The following MUSK variants were observed in gnomAD, a reference collection of about 807,000 sequenced individuals.
MUSK encodes the protein muscle, skeletal receptor tyrosine-protein kinase.
In MUSK, 55 loss-of-function variants were observed where a neutral mutation model predicts 88.7. The observed-to-expected ratio is 0.62, with a 90% CI of 0.50 to 0.78. The LOEUF (loss-of-function observed/expected upper bound fraction) is 0.78. MUSK is among the 30% of genes least tolerant of loss of function. The pLI is 0.00. For synonymous variants in MUSK, 387 were observed against 391.9 expected, an observed-to-expected ratio of 0.99 and a Z score of 0.15; for missense variants, 1,015 against 1,074.3, an observed-to-expected ratio of 0.94 and a Z score of 0.77.
At position 110,697,415 on chromosome 9, in the gene MUSK, A is replaced by G. The variant is rs1564226803; in HGVS notation, c.577A>G (p.Lys193Glu). ...TGCAGGACAGTATCGATGTGTGGCA[A>G]AAAACAGCCTCGGGACAGCATATTC... ...EDAGQYRCVA[K>E]NSLGTAYSKV... The change falls in exon 5 of 15, where the codon AAA becomes GAA. Residue 193 changes from lysine to glutamate, a missense_variant. Transcript: ENST00000374448. 2 of 1,612,810 alleles carry G rather than the reference A, an allele frequency of 1.2e-6. No homozygotes were observed. The highest frequency in any genetic ancestry group is 1.7e-6 in the Non-Finnish European group (2 of 1,179,218).
chr9:110,697,500 A>G, intron 5 of MUSK, 34 bp downstream of exon 5: 2 of 1,594,778 alleles, frequency 1.3e-6, no homozygotes, highest in Non-Finnish European at 1.7e-6. Context: ...TGACTGTGTG[A>G]CCAGGGGCCT....
chr9:110,718,738 T>C (rs2076775509), intron 5 of MUSK, among the ~76,000 whole-genome samples: 1 of 152,038 alleles, frequency 6.6e-6, no homozygotes, highest in Admixed American at 6.6e-5. Flanking sequence ...AAAGAACACC[T>C]GGGAAATTCA....
chr9:110,779,056 C>CTGTGTG (rs1280446736), intron 11 of MUSK, among the ~76,000 whole-genome samples: 1 of 103,566 alleles, frequency 9.7e-6, no homozygotes, highest in East Asian at 2.2e-4. Context: ...GCGTCAGTGT[C>CTGTGTG]TCTGTGTGTG....
intron 5 of MUSK, chr9:110,728,801 T>C (rs1587963146): frequency 1.9e-6 from 2 of 1,065,468 alleles, no homozygotes; most frequent in Non-Finnish European, 1.3e-6. Context: ...TATAAACAGC[T>C]CTAAGTGCCA....
At chr9:110,766,328 T>G (rs2077485208) in intron 8 of MUSK, among the ~76,000 whole-genome samples, 1 of 152,306 alleles carries the variant, frequency 6.6e-6, no homozygotes, top group East Asian at 1.9e-4. Context: ...AACAGCATCC[T>G]TGTTTCTGTC....
intron 4 of MUSK, 31 bp downstream of exon 4, chr9:110,695,561 TA>T: frequency 6.8e-7 from 1 of 1,479,120 alleles, no homozygotes; most frequent in South Asian, 1.3e-5. Context: ...AACACATATA[TA>T]AAATGTATTT....
intron 5 of MUSK, among the ~76,000 whole-genome samples, chr9:110,704,874 A>C (rs2076575944): frequency 6.6e-6 from 1 of 151,720 alleles, no homozygotes; most frequent in Non-Finnish European, 1.5e-5. Context: ...AATTCTAGCT[A>C]CTCAGGAGGC....
At chr9:110,764,623 A>T (rs1426655799) in intron 8 of MUSK, among the ~76,000 whole-genome samples, 1 of 149,938 alleles carries the variant, frequency 6.7e-6, no homozygotes, top group African/African-American at 2.4e-5. Context: ...AGATAGATAG[A>T]TAGATAGATA....
intron 7 of MUSK, among the ~76,000 whole-genome samples, chr9:110,755,790 T>G (rs1033732049): frequency 6.6e-6 from 1 of 151,728 alleles, no homozygotes; most frequent in African/African-American, 2.4e-5. Context: ...GAAGAGGATT[T>G]ACAAGGAAGG....
intron 1 of MUSK, among the ~76,000 whole-genome samples, chr9:110,677,537 A>G (rs2076047519): frequency 6.6e-6 from 1 of 152,004 alleles, no homozygotes; most frequent in African/African-American, 2.4e-5. Flanking sequence ...TAAACTCTTC[A>G]TTCTCCCACC....
intron 12 of MUSK, 123 bp downstream of exon 12, chr9:110,785,139 C>A: frequency 3.4e-6 from 3 of 889,656 alleles, no homozygotes; most frequent in Non-Finnish European, 3.4e-6. Flanking sequence ...CGTAGCCCTG[C>A]TTTAAAATTA....
Position 110,787,695 on chromosome 9 carries a change from C to G in MUSK, c.1784C>G (p.Pro595Arg), listed in dbSNP as rs2077898016. Residue 595 changes from proline to arginine, a missense_variant, in exon 14 of 15, where the codon CCA becomes CGA. Transcript: ENST00000374448. ...AFGRVFQARA[P>R]GLLPYEPFTM... is the part of the protein sequence containing the mutation. ...TCAATAAATGTATCTCTCAGGGCAC[C>G]AGGCTTACTTCCCTATGAACCTTTC... 6.2e-7 allele frequency: 1 copy of G among 1,613,314 alleles called. No homozygotes were observed. Among genetic ancestry groups the G allele is most frequent in the Admixed American group, 1.7e-5 (1 of 59,936 alleles).
Position 110,778,989 on chromosome 9 carries a change from C to T in MUSK, c.1384+2334C>T, listed in dbSNP as rs2077710724. The stretch of plus-strand genomic sequence containing the variant: ...TTTAAATGAATACATGCTTTGTGTC[C>T]CAGACCATTTTTCCATAATGATCAG... On this transcript the variant is annotated intron_variant, in intron 11 of 14. Transcript: ENST00000374448. 1.3e-5 allele frequency among the ~76,000 whole-genome samples: 2 copies of T among 151,322 alleles called. 1 individual carries two copies. The highest frequency in any genetic ancestry group is 4.2e-4 in the South Asian group (2 of 4,792).
intron 5 of MUSK, among the ~76,000 whole-genome samples, chr9:110,709,604 AG>A (rs1290433933): frequency 6.6e-6 from 1 of 152,224 alleles, no homozygotes; most frequent in Non-Finnish European, 1.5e-5. Context: ...TGTTAGTTCT[AG>A]GGCTAATATA....
At chr9:110,741,694 T>C (rs754463639) in intron 6 of MUSK, among the ~76,000 whole-genome samples, 11 of 152,210 alleles carry the variant, frequency 7.2e-5, no homozygotes, top group Non-Finnish European at 1.0e-4. Flanking sequence ...TTTTTCGTAA[T>C]TTGTTAATAA....
At chr9:110,683,524 G>A (rs1005222314) in intron 2 of MUSK, among the ~76,000 whole-genome samples, 1 of 152,036 alleles carries the variant, frequency 6.6e-6, no homozygotes, top group African/African-American at 2.4e-5. Context: ...TCATATGGTA[G>A]CTCAATTTTT....
chr9:110,688,111 A>G (rs1261171887), intron 3 of MUSK, among the ~76,000 whole-genome samples: 1 of 151,984 alleles, frequency 6.6e-6, no homozygotes, highest in African/African-American at 2.4e-5. Flanking sequence ...CCTATACAAA[A>G]TCTTTCCTCT....
chr9:110,735,331 G>A lies in MUSK; in HGVS notation c.753+956G>A, dbSNP rs530190925. On this transcript the variant is annotated intron_variant, in intron 6 of 14. Transcript: ENST00000374448. ...CTAAGTATCCATCAATGGATGAATG[G>A]ATACAGAAAATGTGGTACATATACA... Among the ~76,000 whole-genome samples, 8 of 152,156 alleles carry A rather than the reference G, an allele frequency of 5.3e-5. No individual in the cohort carries two copies. In the South Asian group the frequency reaches 1.7e-3, roughly 32 times the overall value.
At chr9:110,733,994 G>A (rs1288708844) in intron 5 of MUSK, among the ~76,000 whole-genome samples, 1 of 152,018 alleles carries the variant, frequency 6.6e-6, no homozygotes, top group Non-Finnish European at 1.5e-5. Flanking sequence ...GGGATGAGTG[G>A]TCTAGGCAGA....
Sources: gnomAD v4.1 joint callset for allele counts (sites outside exome capture counted in the v4.1 genomes callset) on GRCh38, gnomAD v4.1.1 for gene constraint, MANE v1.5 for transcripts, NCBI Gene and HGNC (gene_info 2026-07-23, HGNC 2026-07-21) for gene names.